Variants in SPTLC1 observed in about 807,000 individuals in gnomAD.
SPTLC1 encodes serine palmitoyltransferase long chain base subunit 1, also known as serine palmitoyltransferase 1.
SPTLC1 carries 55 observed loss-of-function variants against 68.9 expected under a neutral mutation model. The ratio of observed to expected loss-of-function variants is 0.80; its 90% CI spans 0.64 to 1.00. The LOEUF is 1.00. SPTLC1 is among the 50% of genes least tolerant of loss of function. The pLI, the probability that SPTLC1 is intolerant of heterozygous loss-of-function variation, is 0.00. For synonymous variants in SPTLC1, 197 were observed against 201.6 expected (o/e 0.98, Z 0.19); for missense variants, 449 against 573.1 (o/e 0.78, Z 2.21).
intron 3 of SPTLC1, among the ~76,000 whole-genome samples, chr9:92,094,732 G>A (rs554085858): frequency 3.9e-5 from 6 of 152,180 alleles, no homozygotes; most frequent in Non-Finnish European, 8.8e-5. Context: ...AAAGGCAACA[G>A]GAAGTCTGAC....
chr9:92,067,926 A>C, intron 6 of SPTLC1, 40 bp downstream of exon 6: 1 of 1,600,944 alleles, frequency 6.2e-7, no homozygotes, highest in Non-Finnish European at 8.6e-7. Context: ...GTATTATTTC[A>C]AAGGAACTGC....
At chr9:92,090,546 A>G (rs12349327) in intron 3 of SPTLC1, among the ~76,000 whole-genome samples, 16,166 of 151,756 alleles carry the variant, frequency 0.11, 1,859 homozygotes, top group African/African-American at 0.29. Flanking sequence ...TGGGAGAGAG[A>G]CACTGCAGTG....
intron 9 of SPTLC1, 31 bp downstream of exon 9, chr9:92,049,929 G>C: frequency 7.4e-7 from 1 of 1,351,626 alleles, no homozygotes; most frequent in Non-Finnish European, 1.1e-6. Context: ...TCCTATAAGA[G>C]GGGAAACGTT....
intron 3 of SPTLC1, among the ~76,000 whole-genome samples, chr9:92,088,096 G>T (rs1009014210): frequency 6.6e-6 from 1 of 152,224 alleles, no homozygotes; most frequent in Non-Finnish European, 1.5e-5. Context: ...TAAGCGTGTC[G>T]GAAAAGCGCA....
chr9:92,059,109 C>A, intron 7 of SPTLC1, 70 bp downstream of exon 7: 1 of 1,551,526 alleles, frequency 6.4e-7, no homozygotes, highest in South Asian at 1.1e-5. Context: ...GACAAATTAC[C>A]ATTTCATATA....
At chr9:92,103,610 C>T (rs191141911) in intron 3 of SPTLC1, among the ~76,000 whole-genome samples, 3 of 152,192 alleles carry the variant, frequency 2.0e-5, no homozygotes, top group South Asian at 4.1e-4. Flanking sequence ...TGGTAAGAGG[C>T]GCATCCAGTC....
chr9:92,049,835 A>C (rs1314828322), intron 9 of SPTLC1, 125 bp downstream of exon 9: 8 of 770,114 alleles, frequency 1.0e-5, no homozygotes, highest in Admixed American at 9.6e-5. Flanking sequence ...GACAGACACC[A>C]AAGTTTCGTG....
rs543441677 is a variant in SPTLC1 at position 92,055,554 on chromosome 9, A to G, written c.691-60T>C. ...AGTAACTCTGAAGACAAGATCTGTT[A>G]CATATTCCCCAGCACTTTCACCTTA... On this transcript the variant is annotated intron_variant, in intron 7 of 14. Transcript: ENST00000262554. 2.4e-4 allele frequency: 365 copies of G among 1,508,192 alleles called. 2 individuals are homozygous for G. In the African/African-American group the frequency reaches 4.6e-3, roughly 19 times the overall value. The allele number at this position is 1,508,192 out of a possible 1,614,324, so 93.4% of individuals were successfully genotyped here.
intron 9 of SPTLC1, among the ~76,000 whole-genome samples, chr9:92,048,226 A>AT (rs1362426714): frequency 6.6e-6 from 1 of 152,172 alleles, no homozygotes; most frequent in Non-Finnish European, 1.5e-5. Context: ...GAAGAACCTA[A>AT]TGTGCTCTAA....
intron 2 of SPTLC1, 56 bp downstream of exon 2, chr9:92,112,399 G>T: frequency 8.1e-7 from 1 of 1,239,640 alleles, no homozygotes. Flanking sequence ...TTTCTGGAAA[G>T]ACATAGCAAC....
chr9:92,065,170 AT>A (rs1389451642), intron 6 of SPTLC1, among the ~76,000 whole-genome samples: 2 of 152,228 alleles, frequency 1.3e-5, no homozygotes, highest in African/African-American at 4.8e-5. Flanking sequence ...AAAAAGTTTA[AT>A]TTTAAAAAGA....
chr9:92,115,255 T>G, intron 1 of SPTLC1, 59 bp downstream of exon 1: 1 of 1,556,738 alleles, frequency 6.4e-7, no homozygotes, highest in Non-Finnish European at 8.8e-7. Flanking sequence ...TCCACACGCG[T>G]CCTCCCACCC....
intron 6 of SPTLC1, among the ~76,000 whole-genome samples, chr9:92,067,129 C>T (rs2118594046): frequency 6.6e-6 from 1 of 152,226 alleles, no homozygotes; most frequent in East Asian, 1.9e-4. Flanking sequence ...AAAACCCTGT[C>T]TCTACTGAAA....
chr9:92,085,427 T>A (rs1362561650), intron 3 of SPTLC1, among the ~76,000 whole-genome samples: 1 of 152,100 alleles, frequency 6.6e-6, no homozygotes, highest in Non-Finnish European at 1.5e-5. Flanking sequence ...GTCCCAGAGA[T>A]CCTGGTATGT....
intron 3 of SPTLC1, among the ~76,000 whole-genome samples, chr9:92,091,595 G>A (rs1187329866): frequency 6.6e-6 from 1 of 152,064 alleles, no homozygotes; most frequent in Admixed American, 6.5e-5. Context: ...ATTATTTTTG[G>A]CCATTTCTTA....
chr9:92,060,724 G>A (rs1277826930), intron 6 of SPTLC1, among the ~76,000 whole-genome samples: 1 of 150,392 alleles, frequency 6.6e-6, no homozygotes, highest in African/African-American at 2.4e-5. Flanking sequence ...GGCTAACATG[G>A]TGAAACCCCA....
intron 5 of SPTLC1, among the ~76,000 whole-genome samples, chr9:92,078,898 T>C (rs1182237): frequency 0.017 from 2,649 of 152,272 alleles, 52 homozygotes; most frequent in South Asian, 0.042. Flanking sequence ...GGTGCTCCCT[T>C]ACATTAAAAA....
At chr9:92,105,754 G>C (rs1448311416) in intron 3 of SPTLC1, among the ~76,000 whole-genome samples, 2 of 151,770 alleles carry the variant, frequency 1.3e-5, no homozygotes, top group African/African-American at 4.8e-5. Context: ...GAGTGCCTCT[G>C]CCCAGCCGCC....
chr9:92,096,145 T>C (rs529720550), intron 3 of SPTLC1, among the ~76,000 whole-genome samples: 2 of 152,258 alleles, frequency 1.3e-5, no homozygotes, highest in East Asian at 3.9e-4. Flanking sequence ...ACCTGCAAAG[T>C]AATAGACTAG....
Sources: allele counts gnomAD v4.1 joint callset (sites outside exome capture counted in the v4.1 genomes callset), GRCh38; gene constraint gnomAD v4.1.1; transcripts MANE v1.5; gene names NCBI Gene and HGNC (gene_info 2026-07-23, HGNC 2026-07-21).